Variants in GABRB3 observed in about 807,000 individuals in gnomAD.
GABRB3 encodes gamma-aminobutyric acid receptor subunit beta-3.
In GABRB3, 14 loss-of-function variants were observed where a neutral mutation model predicts 52.1. That is an observed-to-expected ratio of 0.27 (90% CI 0.18 to 0.42). The LOEUF (loss-of-function observed/expected upper bound fraction) is 0.42, where lower values mean the gene tolerates loss of function less well. GABRB3 is among the 10% of genes least tolerant of loss of function. The pLI is 1.00. For missense variants in GABRB3, 307 were observed against 609.1 expected (o/e 0.50, Z 5.22); for synonymous variants, 260 against 232.3 (o/e 1.12, Z -1.08).
At chr15:26,746,091 C>G (rs1030582529) in intron 3 of GABRB3, among the ~76,000 whole-genome samples, 1 of 152,162 alleles carries the variant, frequency 6.6e-6, no homozygotes, top group Admixed American at 6.5e-5. Context: ...ATCAATCCAG[C>G]TTCTCTACGT....
chr15:26,756,131 T>C (rs1398696495), intron 3 of GABRB3, among the ~76,000 whole-genome samples: 1 of 152,150 alleles, frequency 6.6e-6, no homozygotes, highest in Non-Finnish European at 1.5e-5. Flanking sequence ...TATTCACATA[T>C]TATAAAATTT....
intron 4 of GABRB3, among the ~76,000 whole-genome samples, chr15:26,609,821 A>G (rs1892000338): frequency 6.6e-6 from 1 of 152,242 alleles, no homozygotes; most frequent in African/African-American, 2.4e-5. Flanking sequence ...AATACTAGCT[A>G]GCTAGATAAA....
intron 3 of GABRB3, among the ~76,000 whole-genome samples, chr15:26,703,063 G>A (rs28546270): frequency 0.023 from 3,487 of 152,196 alleles, 135 homozygotes; most frequent in African/African-American, 0.08. Flanking sequence ...TAAGGACATT[G>A]ATCCCATTCA....
intron 3 of GABRB3, among the ~76,000 whole-genome samples, chr15:26,763,508 A>C (rs899099013): frequency 6.6e-6 from 1 of 152,072 alleles, no homozygotes; most frequent in African/African-American, 2.4e-5. Context: ...TCTCTCACAT[A>C]GAGAATTACA....
chr15:26,659,564 G>C (rs910922186), intron 3 of GABRB3, among the ~76,000 whole-genome samples: 1 of 152,092 alleles, frequency 6.6e-6, no homozygotes, highest in African/African-American at 2.4e-5. Context: ...AACAGGTTAA[G>C]TATCATGATG....
intron 3 of GABRB3, among the ~76,000 whole-genome samples, chr15:26,632,062 T>G (rs1389842352): frequency 6.6e-6 from 1 of 152,244 alleles, no homozygotes; most frequent in Non-Finnish European, 1.5e-5. Context: ...AAGTCTCAAG[T>G]TGGCCTCCTA....
intron 4 of GABRB3, among the ~76,000 whole-genome samples, chr15:26,583,743 A>C (rs1402358850): frequency 6.6e-6 from 1 of 152,038 alleles, no homozygotes; most frequent in Admixed American, 6.6e-5. Context: ...TGAAATAGTT[A>C]AATTGAGGTA....
chr15:26,641,274 G>T (rs545552162), intron 3 of GABRB3, among the ~76,000 whole-genome samples: 7 of 152,216 alleles, frequency 4.6e-5, no homozygotes, highest in African/African-American at 1.7e-4. Context: ...ATAACACCTA[G>T]AACTTGCTCG....
intron 3 of GABRB3, among the ~76,000 whole-genome samples, chr15:26,675,039 G>A (rs1232042920): frequency 6.6e-6 from 1 of 152,188 alleles, no homozygotes; most frequent in Non-Finnish European, 1.5e-5. Flanking sequence ...GATCAAGCTA[G>A]TGGGCCTTCC....
At position 26,567,717 on chromosome 15, in the gene GABRB3, C is replaced by G. The variant is rs770928117; in HGVS notation, c.699G>C (p.Leu233=). 1.2e-6 allele frequency: 2 copies of G among 1,614,040 alleles called. No individual in the cohort carries two copies. The highest frequency in any genetic ancestry group is 1.7e-6 in the Non-Finnish European group (2 of 1,180,022). Residue 233 remains leucine, a synonymous_variant, in exon 7 of 9, where the codon CTG becomes CTC. Transcript: ENST00000311550. ...VVFATGAYPR[L]SLSFRLKRNI... ...TCCTCTTCAACCGAAAGCTCAGTGA[C>G]AGTCGAGGATAGGCACCTATGGGAA... is the stretch of plus-strand genomic sequence containing the variant.
chr15:26,756,101 AAAAG>A (rs564540854), intron 3 of GABRB3, among the ~76,000 whole-genome samples: 1 of 152,218 alleles, frequency 6.6e-6, no homozygotes, highest in Non-Finnish European at 1.5e-5. Context: ...ATGAAAAACT[AAAAG>A]AAATACATCC....
At chr15:26,647,816 C>T (rs1448326961) in intron 3 of GABRB3, among the ~76,000 whole-genome samples, 1 of 152,102 alleles carries the variant, frequency 6.6e-6, no homozygotes, top group African/African-American at 2.4e-5. Flanking sequence ...CTGGCCAGCA[C>T]TAGGGACAAT....
rs1004904486 is a variant in GABRB3 at position 26,546,215 on chromosome 15, C to T, written c.*1578G>A. On this transcript the variant is annotated 3_prime_UTR_variant, in exon 9 of 9. Transcript: ENST00000311550. ...TTTATTTTTTTCTCCAAATGCTCAA[C>T]TTCACTGTGACACCTGTTTGCACAA... The T allele has an allele frequency of 1.6e-4, 24 of 152,542 alleles. No individual in the cohort carries two copies. Among genetic ancestry groups the T allele is most frequent in the Non-Finnish European group, 1.5e-5 (1 of 68,018 alleles). The allele number at this position is 152,542 out of a possible 1,614,324, so 9.4% of individuals were successfully genotyped here. A position where few individuals can be genotyped will look rare whatever the true frequency, so the allele number is the denominator to read the frequency against.
chr15:26,760,996 C>G (rs1268473575), intron 3 of GABRB3, among the ~76,000 whole-genome samples: 16 of 152,180 alleles, frequency 1.1e-4, no homozygotes, highest in Non-Finnish European at 1.0e-4. Flanking sequence ...TCAATATTGT[C>G]CTCTTATGAG....
intron 4 of GABRB3, among the ~76,000 whole-genome samples, chr15:26,605,960 G>C (rs1891773568): frequency 6.6e-6 from 1 of 152,136 alleles, no homozygotes; most frequent in Admixed American, 6.5e-5. Context: ...GAATACGAAG[G>C]AGGCACGTCT....
At chr15:26,726,899 A>G (rs1304465495) in intron 3 of GABRB3, among the ~76,000 whole-genome samples, 1 of 152,166 alleles carries the variant, frequency 6.6e-6, no homozygotes, top group African/African-American at 2.4e-5. Flanking sequence ...GGTGGCTCAC[A>G]CCTGTAGTCC....
intron 3 of GABRB3, among the ~76,000 whole-genome samples, chr15:26,628,796 C>G (rs1892811512): frequency 6.6e-6 from 1 of 152,304 alleles, no homozygotes; most frequent in Non-Finnish European, 1.5e-5. Flanking sequence ...GTTGGTGACC[C>G]CCCCAGGGTA....
Position 26,768,866 on chromosome 15 carries a change from T to A in GABRB3, c.240+3536A>T, listed in dbSNP as rs976947195. 2.0e-5 allele frequency among the ~76,000 whole-genome samples: 3 copies of A among 152,136 alleles called. No individual in the cohort carries two copies. The East Asian group carries it at 5.8e-4, about 29-fold the overall frequency. On this transcript the variant is annotated intron_variant, in intron 3 of 8. Transcript: ENST00000311550. ...GATTTAGAAAAAAATTGGAAATGCATAACTCCACTATCCATGAAGCAAGCT... is the reference window on the plus strand; with the variant it reads ...GATTTAGAAAAAAATTGGAAATGCAAAACTCCACTATCCATGAAGCAAGCT...
intron 8 of GABRB3, among the ~76,000 whole-genome samples, chr15:26,558,915 G>A (rs1301817277): frequency 3.9e-5 from 6 of 152,152 alleles, no homozygotes; most frequent in African/African-American, 1.4e-4. Context: ...CTGGATCACA[G>A]TTCTGCAAGC....
Sources: gnomAD v4.1 joint callset for allele counts (sites outside exome capture counted in the v4.1 genomes callset) on GRCh38, gnomAD v4.1.1 for gene constraint, MANE v1.5 for transcripts, NCBI Gene and HGNC (gene_info 2026-07-23, HGNC 2026-07-21) for gene names.